The following KCNQ1OT1 variants were observed in gnomAD, a reference collection of about 807,000 sequenced individuals.
KCNQ1OT1 encodes the protein KCNQ1 opposite strand/antisense transcript 1, also known as KCNQ1 antisense RNA 2 (non-protein coding).
rs188672886 is a variant in KCNQ1OT1, at chr11:2,677,012, A to G, written n.22983T>C. The G allele has an allele frequency of 1.5e-5, 6 of 398,626 alleles. No individual in the cohort carries two copies. Among genetic ancestry groups the G allele is most frequent in the African/African-American group, 1.2e-4 (6 of 48,754 alleles). 24.7% of individuals were successfully genotyped at this position (398,626 alleles called of 1,614,324 possible). On this transcript the variant is annotated non_coding_transcript_exon_variant, in exon 1 of 1. Coordinates refer to ENST00000597346, the Ensembl canonical transcript of KCNQ1OT1. This position sits in a 1 kb window ranked among gnomAD's most constrained non-coding sequence, Gnocchi z 4.5. ...GCAGAGTTTCATTGTGCCATGATTT[A>G]TGGAACAGATCCTCTGTTGATGGAT...
At chr11:2,618,330 A>G (rs1361051969) in exon 1 of KCNQ1OT1, 12 of 398,480 alleles carry the variant, frequency 3.0e-5, no homozygotes, top group Admixed American at 1.3e-4. Flanking sequence ...AAAAAATTCA[A>G]TGTTTTAACA....
In KCNQ1OT1 at chr11:2,654,030, C is replaced by T. The variant is rs541469767; in HGVS notation, n.45965G>A. Reference sequence around the variant, plus strand: ...GAATATACATTTTCACTCCATTCCTCGCCTTGTTCCTGGCAGCTGTTGTGG... The same window carrying T: ...GAATATACATTTTCACTCCATTCCTTGCCTTGTTCCTGGCAGCTGTTGTGG... On this transcript the variant is annotated non_coding_transcript_exon_variant, in exon 1 of 1. Transcript: ENST00000597346. This position sits in a 1 kb window ranked among gnomAD's most constrained non-coding sequence, Gnocchi z 6.4. 3.8e-5 allele frequency: 15 copies of T among 398,714 alleles called. No homozygotes were observed. Among genetic ancestry groups the T allele is most frequent in the African/African-American group, 1.2e-4 (6 of 48,778 alleles). The allele number at this position is 398,714 out of a possible 1,614,324, so 24.7% of individuals were successfully genotyped here.
rs966822862 is a variant in KCNQ1OT1, at chr11:2,683,218, G to A, written n.16777C>T. The A allele has an allele frequency of 7.5e-6, 3 of 398,554 alleles. No homozygotes were observed. Among genetic ancestry groups the A allele is most frequent in the African/African-American group, 6.2e-5 (3 of 48,632 alleles). 24.7% of individuals were successfully genotyped at this position (398,554 alleles called of 1,614,324 possible). ...CAGCTCATGCATTGTGATGGAACTA[G>A]AGGTGAGATACAGAGCAGGAGTCCA... On this transcript the variant is annotated non_coding_transcript_exon_variant, in exon 1 of 1. Coordinates refer to ENST00000597346, the Ensembl canonical transcript of KCNQ1OT1. This position sits in a 1 kb window ranked among gnomAD's most constrained non-coding sequence, Gnocchi z 4.7.
Position 2,624,659 on chromosome 11 carries a change from G to A in KCNQ1OT1, n.75336C>T, listed in dbSNP as rs1219870941. ...GTATTAGATACGTTCACAATGCTGT[G>A]CAATCATCACTATCATCCATCTCCA... On this transcript the variant is annotated non_coding_transcript_exon_variant, in exon 1 of 1. Transcript: ENST00000597346. The surrounding 1 kb of genome is among the most constrained non-coding windows in gnomAD (Gnocchi z 4.9). The A allele has an allele frequency of 2.5e-6, 1 of 398,360 alleles. No individual in the cohort carries two copies. The highest frequency in any genetic ancestry group is 2.1e-5 in the African/African-American group (1 of 48,600). The allele number at this position is 398,360 out of a possible 1,614,324, so 24.7% of individuals were successfully genotyped here.
exon 1 of KCNQ1OT1, chr11:2,622,254 C>T (rs1849186300): frequency 1.3e-5 from 5 of 398,158 alleles, no homozygotes; most frequent in Non-Finnish European, 1.8e-5. Flanking sequence ...GTATACGTTT[C>T]CAATTGCGAA....
At chr11:2,644,752 C>T (rs1346501611) in exon 1 of KCNQ1OT1, 2 of 398,446 alleles carry the variant, frequency 5.0e-6, no homozygotes, top group Non-Finnish European at 8.8e-6. Flanking sequence ...GGGCAGGGCA[C>T]TTTGGTTTTG....
chr11:2,640,973 C>G (rs1196719261), exon 1 of KCNQ1OT1: 4 of 398,498 alleles, frequency 1.0e-5, no homozygotes, highest in Non-Finnish European at 1.8e-5. Context: ...CAGCTCCATT[C>G]ATGTTGCTGC....
chr11:2,640,042 T>G, exon 1 of KCNQ1OT1: 1 of 177,288 alleles, frequency 5.6e-6, no homozygotes. Flanking sequence ...TGCCGTTTGC[T>G]AAGACCATTG....
chr11:2,689,538 T>C (rs1018414388), exon 1 of KCNQ1OT1: 1 of 398,552 alleles, frequency 2.5e-6, no homozygotes, highest in African/African-American at 2.1e-5. Flanking sequence ...GCATGAAGCT[T>C]GCACAGGAAG....
chr11:2,622,802 T>C lies in KCNQ1OT1; in HGVS notation n.77193A>G, dbSNP rs149869349. 598 of 398,610 alleles carry C rather than the reference T, an allele frequency of 1.5e-3. 3 individuals carry two copies. Among genetic ancestry groups the C allele is most frequent in the African/African-American group, 0.011 (519 of 48,736 alleles). The allele number at this position is 398,610 out of a possible 1,614,324, so 24.7% of individuals were successfully genotyped here. A position where few individuals can be genotyped will look rare whatever the true frequency, so the allele number is the denominator to read the frequency against. ...ATTTCCCGTATACCCACTGCACCCATACATACAGAGCTTTTCCCATTACCA... is the reference window on the plus strand; with the variant it reads ...ATTTCCCGTATACCCACTGCACCCACACATACAGAGCTTTTCCCATTACCA... On this transcript the variant is annotated non_coding_transcript_exon_variant, in exon 1 of 1. Coordinates refer to ENST00000597346, the Ensembl canonical transcript of KCNQ1OT1.
At position 2,611,756 on chromosome 11, in the gene KCNQ1OT1, T is replaced by C. The variant is rs1012333179; in HGVS notation, n.88239A>G. 2 of 398,420 alleles carry C rather than the reference T, an allele frequency of 5.0e-6. No individual in the cohort carries two copies. Among genetic ancestry groups the C allele is most frequent in the Non-Finnish European group, 8.8e-6 (2 of 226,036 alleles). 24.7% of individuals were successfully genotyped at this position (398,420 alleles called of 1,614,324 possible). On this transcript the variant is annotated non_coding_transcript_exon_variant, in exon 1 of 1. Transcript: ENST00000597346. This position sits in a 1 kb window ranked among gnomAD's most constrained non-coding sequence, Gnocchi z 5.3. Reference sequence around the variant, plus strand: ...TTTATATCTACCATGTTGTTATTTATTTTCTATATGTCTCATATCACTTTT... The same window carrying C: ...TTTATATCTACCATGTTGTTATTTACTTTCTATATGTCTCATATCACTTTT...
chr11:2,615,819 G>C, exon 1 of KCNQ1OT1: 1 of 397,974 alleles, frequency 2.5e-6, no homozygotes, highest in East Asian at 3.6e-5. Flanking sequence ...TTAGTATCTA[G>C]TTTGTCTTTT....
chr11:2,665,212 G>T (rs16928523), exon 1 of KCNQ1OT1: 2 of 398,632 alleles, frequency 5.0e-6, no homozygotes, highest in Non-Finnish European at 8.8e-6. Context: ...GGCAGAAGCT[G>T]TCTTCCTAGG....
Position 2,663,117 on chromosome 11 carries a change from G to A in KCNQ1OT1, n.36878C>T, listed in dbSNP as rs1196217564. On this transcript the variant is annotated non_coding_transcript_exon_variant, in exon 1 of 1. Coordinates refer to ENST00000597346, the Ensembl canonical transcript of KCNQ1OT1. The surrounding 1 kb of genome is among the most constrained non-coding windows in gnomAD (Gnocchi z 5.2). ...CAGGGAAGGAGTGGCTATCTTAAGGGGTAATTATGATCAGACAGGACCTGC... is the reference window on the plus strand; with the variant it reads ...CAGGGAAGGAGTGGCTATCTTAAGGAGTAATTATGATCAGACAGGACCTGC... The A allele has an allele frequency of 3.0e-5, 12 of 398,570 alleles. No homozygotes were observed. Among genetic ancestry groups the A allele is most frequent in the Non-Finnish European group, 4.0e-5 (9 of 226,148 alleles). 24.7% of individuals were successfully genotyped at this position (398,570 alleles called of 1,614,324 possible).
chr11:2,667,628 G>A (rs1350609633), exon 1 of KCNQ1OT1: 1 of 398,544 alleles, frequency 2.5e-6, no homozygotes. Flanking sequence ...TCTCTTGTGT[G>A]CTCTGCTGAT....
rs1589979341 is a variant in KCNQ1OT1 at position 2,608,894 on chromosome 11, T to C, written n.91101A>G. On this transcript the variant is annotated non_coding_transcript_exon_variant, in exon 1 of 1. Coordinates refer to ENST00000597346, the Ensembl canonical transcript of KCNQ1OT1. The surrounding 1 kb of genome is among the most constrained non-coding windows in gnomAD (Gnocchi z 4.6). ...CATGCACTTCCCTCTCTGTCTTTCC[T>C]CCTCCCCCTCTTTCTTCCTCCCCTT... is the stretch of plus-strand genomic sequence containing the variant. The C allele has an allele frequency of 5.0e-6, 2 of 398,338 alleles. No individual in the cohort carries two copies. Among genetic ancestry groups the C allele is most frequent in the East Asian group, 3.6e-5 (1 of 28,060 alleles). The allele number at this position is 398,338 out of a possible 1,614,324, so 24.7% of individuals were successfully genotyped here. A position where few individuals can be genotyped will look rare whatever the true frequency, so the allele number is the denominator to read the frequency against.
chr11:2,656,845 T>C (rs1564847261), exon 1 of KCNQ1OT1: 1 of 398,634 alleles, frequency 2.5e-6, no homozygotes, highest in Non-Finnish European at 4.4e-6. Context: ...TAGTTATGCT[T>C]TTCATAGTTA....
At position 2,652,613 on chromosome 11, in the gene KCNQ1OT1, T is replaced by C. The variant is rs1849773792; in HGVS notation, n.47382A>G. 1 of 398,394 alleles carries C rather than the reference T, an allele frequency of 2.5e-6. No homozygotes were observed. Among genetic ancestry groups the C allele is most frequent in the Non-Finnish European group, 4.4e-6 (1 of 226,072 alleles). 24.7% of individuals were successfully genotyped at this position (398,394 alleles called of 1,614,324 possible). A position where few individuals can be genotyped will look rare whatever the true frequency, so the allele number is the denominator to read the frequency against. On this transcript the variant is annotated non_coding_transcript_exon_variant, in exon 1 of 1. Transcript: ENST00000597346. The surrounding 1 kb of genome is among the most constrained non-coding windows in gnomAD (Gnocchi z 5.9). ...GCTGCCTGGAACCTTCCCCTGAAAA[T>C]GTGTCTTGGGAGACCTAGACAGTGA...
rs139224079 is a variant in KCNQ1OT1, at chr11:2,644,351, T to C, written n.55644A>G. Reference sequence around the variant, plus strand: ...GTGTGAAATTCTTTCTTCTGCTTGTTGTGGTCTGTTATTGAAGCTTTCAAA... The same window carrying C: ...GTGTGAAATTCTTTCTTCTGCTTGTCGTGGTCTGTTATTGAAGCTTTCAAA... On this transcript the variant is annotated non_coding_transcript_exon_variant, in exon 1 of 1. Transcript: ENST00000597346. 2.9e-3 allele frequency: 1,147 copies of C among 398,344 alleles called. 6 individuals are homozygous for C. Among genetic ancestry groups the C allele is most frequent in the African/African-American group, 0.021 (1,003 of 48,700 alleles). 24.7% of individuals were successfully genotyped at this position (398,344 alleles called of 1,614,324 possible).
Sources: gnomAD v4.1 joint callset for allele counts on GRCh38, gnomAD v4.1.1 for gene constraint, Gnocchi (gnomAD v3.1) non-coding constraint, MANE v1.5 for transcripts, NCBI Gene and HGNC (gene_info 2026-07-23, HGNC 2026-07-21) for gene names.